GPHN: variants seen among roughly 807,000 people sequenced by gnomAD.
The protein encoded by GPHN is gephyrin.
In GPHN, 17 loss-of-function variants were observed where a neutral mutation model predicts 95.5. That is an observed-to-expected ratio of 0.18 (90% CI 0.12 to 0.27). GPHN has a LOEUF of 0.27. GPHN is among the 10% of genes least tolerant of loss of function. The pLI is 1.00. For missense variants in GPHN, 660 were observed against 978.1 expected (o/e 0.67, Z 4.34); for synonymous variants, 320 against 322.5 (o/e 0.99, Z 0.08).
At chr14:67,574,413 G>T in the GPHN span, 1 of 1,518,336 alleles carries the variant, frequency 6.6e-7, no homozygotes, top group Non-Finnish European at 8.8e-7. The surrounding 1 kb of genome is among the most constrained non-coding windows in gnomAD (Gnocchi z 4.2). Context: ...GGTAGAGGGT[G>T]GGGCTGATAG....
chr14:66,596,351 C>T (rs1010342995), intron 1 of GPHN, among the ~76,000 whole-genome samples: 7 of 152,104 alleles, frequency 4.6e-5, no homozygotes, highest in Non-Finnish European at 1.0e-4. Flanking sequence ...GATGAGGTTT[C>T]ACCAGGTACC....
intron 2 of GPHN, among the ~76,000 whole-genome samples, chr14:66,759,652 G>A (rs1288983058): frequency 2.0e-5 from 3 of 152,070 alleles, no homozygotes; most frequent in Non-Finnish European, 4.4e-5. Flanking sequence ...GATAGCAGAG[G>A]GATGAATCTG....
chr14:67,280,334 A>G, the GPHN span, among the ~76,000 whole-genome samples: 1 of 152,104 alleles, frequency 6.6e-6, no homozygotes, highest in African/African-American at 2.4e-5. Context: ...AGAGCATTTT[A>G]TTTTTTGGTG....
intron 1 of GPHN, among the ~76,000 whole-genome samples, chr14:66,671,675 G>C (rs1186536418): frequency 2.0e-5 from 3 of 152,040 alleles, no homozygotes; most frequent in Non-Finnish European, 4.4e-5. Flanking sequence ...GATTCAAACT[G>C]TTTCTTCTTT....
chr14:67,448,843 C>T, the GPHN span, among the ~76,000 whole-genome samples: 1 of 152,062 alleles, frequency 6.6e-6, no homozygotes, highest in Non-Finnish European at 1.5e-5. Flanking sequence ...AGAACCTTGA[C>T]CTAAGAGGTA....
the GPHN span, among the ~76,000 whole-genome samples, chr14:67,190,667 C>G: frequency 4.7e-3 from 709 of 152,250 alleles, 3 homozygotes; most frequent in African/African-American, 0.016. Context: ...GAACACAAGG[C>G]TTTCTCTTCA....
chr14:67,388,336 T>C, the GPHN span: 3 of 1,376,634 alleles, frequency 2.2e-6, no homozygotes, highest in Non-Finnish European at 3.1e-6. Flanking sequence ...TAGGAATTTG[T>C]GAATGAACAA....
At chr14:67,126,566 A>G (rs138939869) in intron 17 of GPHN, among the ~76,000 whole-genome samples, 133 of 152,362 alleles carry the variant, frequency 8.7e-4, no homozygotes, top group Admixed American at 2.4e-3. Flanking sequence ...AGGTAGAAGG[A>G]TAAGACAGGT....
the GPHN span, chr14:67,312,529 C>A: frequency 1.9e-6 from 3 of 1,560,316 alleles, no homozygotes; most frequent in South Asian, 1.3e-5. Flanking sequence ...TCTTTTAGAT[C>A]CATGTAAAAG....
At chr14:67,064,708 A>C (rs2075972543) in intron 11 of GPHN, among the ~76,000 whole-genome samples, 1 of 152,048 alleles carries the variant, frequency 6.6e-6, no homozygotes, top group Non-Finnish European at 1.5e-5. Context: ...TAGATTTTTT[A>C]GTTTATTTGC....
chr14:67,576,574 A>C, the GPHN span: 9 of 792,350 alleles, frequency 1.1e-5, no homozygotes, highest in Middle Eastern at 2.3e-4. The surrounding 1 kb of genome is among the most constrained non-coding windows in gnomAD (Gnocchi z 4.0). Flanking sequence ...CAAGATCCCA[A>C]AGAAAGCAGT....
the GPHN span, among the ~76,000 whole-genome samples, chr14:67,661,234 T>C: frequency 3.8e-5 from 5 of 131,242 alleles, no homozygotes; most frequent in African/African-American, 1.5e-4. Flanking sequence ...AGCTAGAGTA[T>C]GATGAGATGG....
chr14:66,983,408 A>G (rs1007405962), intron 9 of GPHN, among the ~76,000 whole-genome samples: 1 of 152,186 alleles, frequency 6.6e-6, no homozygotes. Context: ...CTCAAATTCT[A>G]GTTTATATAG....
At chr14:67,472,738 G>T in the GPHN span, 1 of 152,756 alleles carries the variant, frequency 6.5e-6, no homozygotes, top group Non-Finnish European at 1.5e-5. Flanking sequence ...GACAGAAAAG[G>T]GGGAAACGCC....
chr14:67,321,303 G>A, the GPHN span: 4 of 1,576,130 alleles, frequency 2.5e-6, no homozygotes, highest in African/African-American at 1.3e-5. Flanking sequence ...TAGAAGGAAT[G>A]TCATATAGAG....
At chr14:67,622,715 T>A in the GPHN span, among the ~76,000 whole-genome samples, 1 of 152,214 alleles carries the variant, frequency 6.6e-6, no homozygotes, top group Non-Finnish European at 1.5e-5. Context: ...TTATCACTGT[T>A]TTTAAATCCT....
the GPHN span, among the ~76,000 whole-genome samples, chr14:67,711,642 T>C: frequency 6.6e-6 from 1 of 152,196 alleles, no homozygotes; most frequent in Non-Finnish European, 1.5e-5. Flanking sequence ...ATCTTATAGA[T>C]TCATAAAGAC....
the GPHN span, among the ~76,000 whole-genome samples, chr14:67,566,967 G>T: frequency 2.0e-5 from 3 of 152,126 alleles, no homozygotes; most frequent in African/African-American, 7.2e-5. Context: ...AAGGGGCAGC[G>T]TCAGGTCTTC....
the GPHN span, among the ~76,000 whole-genome samples, chr14:67,197,939 C>A: frequency 1.3e-5 from 2 of 152,142 alleles, no homozygotes; most frequent in African/African-American, 4.8e-5. Flanking sequence ...TACCTGTCTC[C>A]CCATAGAGTG....
Sources: gnomAD v4.1 joint callset for allele counts (sites outside exome capture counted in the v4.1 genomes callset) on GRCh38, gnomAD v4.1.1 for gene constraint, Gnocchi (gnomAD v3.1) non-coding constraint, MANE v1.5 for transcripts, NCBI Gene and HGNC (gene_info 2026-07-23, HGNC 2026-07-21) for gene names.